The following DNAJC13 variants were observed in gnomAD, a reference collection of about 807,000 sequenced individuals.
DNAJC13 encodes the protein DnaJ heat shock protein family (Hsp40) member C13, also known as dnaJ homolog subfamily C member 13.
A neutral mutation model predicts 290.5 loss-of-function variants in DNAJC13; 75 were observed. The ratio of observed to expected loss-of-function variants is 0.26; its 90% CI spans 0.21 to 0.31. DNAJC13 has a LOEUF of 0.31. Among genes scored for constraint, DNAJC13 ranks in the 10% least tolerant of loss-of-function variants. DNAJC13 has a pLI of 1.00. For missense variants in DNAJC13, 2,260 were observed against 2,674.5 expected, an observed-to-expected ratio of 0.85 and a Z score of 3.42; for synonymous variants, 862 against 892.0, an observed-to-expected ratio of 0.97 and a Z score of 0.60.
intron 31 of DNAJC13, among the ~76,000 whole-genome samples, chr3:132,490,145 T>C (rs528685659): frequency 2.6e-5 from 4 of 152,196 alleles, no homozygotes; most frequent in Non-Finnish European, 5.9e-5. Flanking sequence ...CCTGAAAATA[T>C]TCATCTTCTA....
chr3:132,439,593 A>G (rs1250549802), intron 2 of DNAJC13, among the ~76,000 whole-genome samples: 2 of 152,216 alleles, frequency 1.3e-5, no homozygotes, highest in East Asian at 3.8e-4. Context: ...TGCAAATTGG[A>G]TCACATCTCC....
At position 132,516,686 on chromosome 3, in the gene DNAJC13, T is replaced by C. The variant is rs750954377; in HGVS notation, c.5561-18T>C. ...AGTCAAATTCTTTATAAGCACTAAT[T>C]ATCTTTTTCCTTCATAGGTGCTTTG... On this transcript the variant is annotated intron_variant, in intron 47 of 55. Transcript: ENST00000260818. 2 of 1,597,000 alleles carry C rather than the reference T, an allele frequency of 1.3e-6. No homozygotes were observed. Among genetic ancestry groups the C allele is most frequent in the Non-Finnish European group, 1.7e-6 (2 of 1,172,324 alleles).
At chr3:132,457,027 A>G (rs1002882602) in intron 12 of DNAJC13, among the ~76,000 whole-genome samples, 195 bp downstream of exon 12, 5 of 152,188 alleles carry the variant, frequency 3.3e-5, no homozygotes, top group African/African-American at 1.2e-4. Flanking sequence ...ACTCACCAGT[A>G]ATATAACTGA....
chr3:132,489,060 A>G, intron 31 of DNAJC13, 39 bp downstream of exon 31: 3 of 1,570,544 alleles, frequency 1.9e-6, no homozygotes, highest in African/African-American at 1.4e-5. Flanking sequence ...AACCCTGGGT[A>G]AGCTGTTTTG....
rs7651731 is a variant in DNAJC13 at position 132,511,266 on chromosome 3, C to T, written c.5293+22C>T. ...CCAGGTATGTGACTACACCTTTGAT[C>T]AATAAGACTCGTATAATACAGGAGC... On this transcript the variant is annotated intron_variant, in intron 44 of 55. Transcript: ENST00000260818. The T allele has an allele frequency of 0.024, 38,234 of 1,611,700 alleles. 1,054 individuals are homozygous for T. Among genetic ancestry groups the T allele is most frequent in the African/African-American group, 0.14 (10,321 of 74,782 alleles).
At position 132,467,259 on chromosome 3, in the gene DNAJC13, A is replaced by G. The variant is rs1416847056; in HGVS notation, c.2154A>G (p.Lys718=). The G allele has an allele frequency of 1.2e-6, 2 of 1,614,054 alleles. No individual in the cohort carries two copies. The highest frequency in any genetic ancestry group is 1.7e-6 in the Non-Finnish European group (2 of 1,179,960). ...AKEVEKFAKE[K]VDLVLMHWRD... Reference sequence around the variant, plus strand: ...AAGTTGAAAAATTTGCCAAAGAAAAAGTGGATCTTGTATTGATGCACTGGA... The same window carrying G: ...AAGTTGAAAAATTTGCCAAAGAAAAGGTGGATCTTGTATTGATGCACTGGA... Residue 718 remains lysine, a synonymous_variant, in exon 20 of 56, where the codon AAA becomes AAG. Transcript: ENST00000260818.
intron 26 of DNAJC13, among the ~76,000 whole-genome samples, chr3:132,481,136 C>T (rs1487338371): frequency 6.6e-6 from 1 of 152,150 alleles, no homozygotes; most frequent in Non-Finnish European, 1.5e-5. Context: ...CTATCTTGCC[C>T]AAGGTCACCT....
intron 41 of DNAJC13, 131 bp downstream of exon 41, chr3:132,503,512 G>C: frequency 9.1e-7 from 1 of 1,104,256 alleles, no homozygotes; most frequent in African/African-American, 1.6e-5. Context: ...TCTCAAGCAA[G>C]AAATTCACTT....
Position 132,456,836 on chromosome 3 carries a change from A to C in DNAJC13, c.1349+4A>C, listed in dbSNP as rs1341565061. Reference sequence around the variant, plus strand: ...TGGCTTTCACTCAGCTTCCAAAGTAAGTTGTCTTCTGAAACTTAACTTCTC... The same window carrying C: ...TGGCTTTCACTCAGCTTCCAAAGTACGTTGTCTTCTGAAACTTAACTTCTC... On this transcript the variant is annotated splice_donor_region_variant and intron_variant, in intron 12 of 55. Transcript: ENST00000260818. The C allele has an allele frequency of 6.2e-7, 1 of 1,610,464 alleles. No homozygotes were observed. Among genetic ancestry groups the C allele is most frequent in the East Asian group, 2.2e-5 (1 of 44,846 alleles).
At chr3:132,471,289 G>T (rs1348830054) in intron 20 of DNAJC13, among the ~76,000 whole-genome samples, 7 of 142,132 alleles carry the variant, frequency 4.9e-5, no homozygotes, top group African/African-American at 1.8e-4. Flanking sequence ...GGCCGGTCGG[G>T]GGGGCTGACC....
chr3:132,427,986 GGAAT>G (rs1202128702), intron 1 of DNAJC13, among the ~76,000 whole-genome samples: 1 of 152,134 alleles, frequency 6.6e-6, no homozygotes, highest in Non-Finnish European at 1.5e-5. Context: ...TCATTTTAAT[GGAAT>G]GTTAATGTAG....
At chr3:132,482,970 T>C (rs1005806567) in intron 27 of DNAJC13, among the ~76,000 whole-genome samples, 5 of 152,220 alleles carry the variant, frequency 3.3e-5, no homozygotes, top group African/African-American at 1.2e-4. Flanking sequence ...TTGAAAATTA[T>C]TCAGTCCAAG....
At chr3:132,470,561 G>A (rs1214854192) in intron 20 of DNAJC13, among the ~76,000 whole-genome samples, 74 of 133,808 alleles carry the variant, frequency 5.5e-4, no homozygotes, top group Middle Eastern at 3.8e-3. Flanking sequence ...CAGTAGGGGC[G>A]GCCGGGCAGA....
Position 132,514,649 on chromosome 3 carries a change from C to T in DNAJC13, c.5464C>T (p.Leu1822Phe). The T allele has an allele frequency of 2.5e-6, 4 of 1,610,384 alleles. No individual in the cohort carries two copies. The highest frequency in any genetic ancestry group is 2.5e-6 in the Non-Finnish European group (3 of 1,178,308). Residue 1822 changes from leucine to phenylalanine, a missense_variant, in exon 46 of 56, where the codon CTT (leucine) becomes TTT (phenylalanine). By Grantham distance (22) the Leu-to-Phe change is conservative. Around this residue, in one of 3 missense-constraint regions of DNAJC13, gnomAD observed 1,494 missense variants for 1,693.7 expected, o/e 0.88. Transcript: ENST00000260818. ...ESMVLSSLLA[L>F]LHSLPSSRQL... is the part of the protein sequence containing the mutation. ...AATGGTTTTGTCCAGTTTATTGGCTCTTCTACATTCATTGCCATCAAGTAT... is the reference window on the plus strand; with the variant it reads ...AATGGTTTTGTCCAGTTTATTGGCTTTTCTACATTCATTGCCATCAAGTAT...
intron 2 of DNAJC13, among the ~76,000 whole-genome samples, chr3:132,436,716 T>A (rs1939394723): frequency 6.6e-6 from 1 of 152,196 alleles, no homozygotes; most frequent in South Asian, 2.1e-4. Flanking sequence ...GCCATCCTAG[T>A]GTAGGTACGA....
Position 132,523,630 on chromosome 3 carries a change from G to A in DNAJC13, c.5977G>A (p.Ala1993Thr), listed in dbSNP as rs765189589. 6.2e-7 allele frequency: 1 copy of A among 1,614,094 alleles called. No individual in the cohort carries two copies. The highest frequency in any genetic ancestry group is 1.1e-5 in the South Asian group (1 of 91,078). ...CTTGAGGATCTTTATTGCACAACCA[G>A]CCTGGGTTCTAAGAAAGCCTAGAGA... The part of the protein sequence containing the change: ...VFLRIFIAQP[A>T]WVLRKPREFL... The change falls in exon 51 of 56, where the codon GCC becomes ACC. Residue 1993 changes from alanine to threonine, a missense_variant. By Grantham distance (58) the Ala-to-Thr change is moderately conservative. Around this residue, in one of 3 missense-constraint regions of DNAJC13, gnomAD observed 1,494 missense variants for 1,693.7 expected, o/e 0.88. Coordinates refer to ENST00000260818, the MANE Select transcript of DNAJC13 (RefSeq NM_015268.4).
intron 1 of DNAJC13, among the ~76,000 whole-genome samples, chr3:132,418,028 C>A (rs555905098): frequency 6.6e-6 from 1 of 152,064 alleles, no homozygotes; most frequent in Non-Finnish European, 1.5e-5. Flanking sequence ...CTAGTACGCT[C>A]CTCCACTCGC....
At chr3:132,486,435 G>A (rs1013724369) in intron 29 of DNAJC13, among the ~76,000 whole-genome samples, 17 of 152,086 alleles carry the variant, frequency 1.1e-4, no homozygotes, top group Admixed American at 9.8e-4. Flanking sequence ...AGGAAGGGAT[G>A]ATTAAAAAAC....
At chr3:132,507,129 T>C (rs982477029) in intron 42 of DNAJC13, 108 bp from the exon 43 acceptor site, 15 of 687,934 alleles carry the variant, frequency 2.2e-5, no homozygotes, top group Non-Finnish European at 3.4e-5. Context: ...ACACCACATT[T>C]TTTCTCTAGA....
Sources: allele counts gnomAD v4.1 joint callset (sites outside exome capture counted in the v4.1 genomes callset), GRCh38; gene constraint gnomAD v4.1.1; regional missense constraint gnomAD v4.1.1; transcripts MANE v1.5; gene names NCBI Gene and HGNC (gene_info 2026-07-23, HGNC 2026-07-21).